Variants in SDK2 observed in about 807,000 individuals in gnomAD.
SDK2 encodes the protein protein sidekick-2.
In SDK2, 105 loss-of-function variants were observed where a neutral mutation model predicts 253.9. The ratio of observed to expected loss-of-function variants is 0.41; its 90% CI spans 0.35 to 0.49. The LOEUF is 0.49. SDK2 is among the 20% of genes least tolerant of loss of function. The pLI, the probability that SDK2 is intolerant of heterozygous loss-of-function variation, is 0.06. For synonymous variants in SDK2, 1,249 were observed against 1,234.9 expected, an observed-to-expected ratio of 1.01 and a Z score of -0.24; for missense variants, 2,608 against 3,003.0, an observed-to-expected ratio of 0.87 and a Z score of 3.07.
chr17:73,601,529 A>C (rs1483194867), intron 1 of SDK2, among the ~76,000 whole-genome samples: 1 of 152,122 alleles, frequency 6.6e-6, no homozygotes, highest in East Asian at 1.9e-4. Context: ...ACGCACAGAG[A>C]AAAGACGGGA....
chr17:73,502,006 T>C (rs1166374707), intron 2 of SDK2, among the ~76,000 whole-genome samples: 1 of 152,046 alleles, frequency 6.6e-6, no homozygotes, highest in Non-Finnish European at 1.5e-5. Context: ...ACCCCAATGA[T>C]GGATGTGGAC....
intron 2 of SDK2, among the ~76,000 whole-genome samples, chr17:73,479,968 C>T (rs1367024243): frequency 6.6e-6 from 1 of 152,280 alleles, no homozygotes; most frequent in Non-Finnish European, 1.5e-5. Flanking sequence ...GCTGGGATTA[C>T]AGGCGTGAGC....
chr17:73,367,057 G>A (rs1336691008), intron 37 of SDK2, among the ~76,000 whole-genome samples: 1 of 152,114 alleles, frequency 6.6e-6, no homozygotes, highest in Non-Finnish European at 1.5e-5. Flanking sequence ...AGGCTGGAGT[G>A]CAGTGGTACA....
chr17:73,487,981 G>A (rs945589034), intron 2 of SDK2, among the ~76,000 whole-genome samples: 2 of 152,006 alleles, frequency 1.3e-5, no homozygotes, highest in East Asian at 1.9e-4. Context: ...GTTATACCTC[G>A]GACACTCCAT....
At position 73,443,041 on chromosome 17, in the gene SDK2, A is replaced by G. The variant is rs1166932735; in HGVS notation, c.614-2118T>C. Among the ~76,000 whole-genome samples the G allele has an allele frequency of 6.6e-6, 1 of 152,052 alleles. No homozygotes were observed. The highest frequency in any genetic ancestry group is 6.6e-5 in the Admixed American group (1 of 15,264). On this transcript the variant is annotated intron_variant, in intron 5 of 44. Coordinates refer to ENST00000392650, the MANE Select transcript of SDK2 (RefSeq NM_001144952.2). This position sits in a 1 kb window ranked among gnomAD's most constrained non-coding sequence, Gnocchi z 4.6. Reference sequence around the variant, plus strand: ...TCTGAGGACTTTTTCTCCACAACAAATCTATCCAGTTGGCCCCTTTCCAGA... The same window carrying G: ...TCTGAGGACTTTTTCTCCACAACAAGTCTATCCAGTTGGCCCCTTTCCAGA...
At chr17:73,567,126 T>G (rs928859198) in intron 1 of SDK2, among the ~76,000 whole-genome samples, 1 of 152,120 alleles carries the variant, frequency 6.6e-6, no homozygotes, top group African/African-American at 2.4e-5. Flanking sequence ...AAAAAATGGT[T>G]TTAGGGGCCA....
chr17:73,379,697 T>G lies in SDK2; in HGVS notation c.4763-148A>C. Reference sequence around the variant, plus strand: ...CTGTGAAGGTGCATGAAGGAGGAGGTGAGAGGCGGGGCCCCCAGGGGACGC... The same window carrying G: ...CTGTGAAGGTGCATGAAGGAGGAGGGGAGAGGCGGGGCCCCCAGGGGACGC... On this transcript the variant is annotated intron_variant, in intron 34 of 44. Coordinates refer to ENST00000392650, the MANE Select transcript of SDK2 (RefSeq NM_001144952.2). This position sits in a 1 kb window ranked among gnomAD's most constrained non-coding sequence, Gnocchi z 4.5. 1.7e-6 allele frequency: 1 copy of G among 604,294 alleles called. No homozygotes were observed. Among genetic ancestry groups the G allele is most frequent in the Non-Finnish European group, 2.9e-6 (1 of 341,200 alleles). 37.4% of individuals were successfully genotyped at this position (604,294 alleles called of 1,614,324 possible).
chr17:73,531,631 A>G (rs2064169836), intron 1 of SDK2, among the ~76,000 whole-genome samples: 1 of 152,198 alleles, frequency 6.6e-6, no homozygotes, highest in Admixed American at 6.5e-5. Context: ...GCCGCCAGTC[A>G]TTAGCCCAAT....
intron 23 of SDK2, 54 bp downstream of exon 23, chr17:73,398,266 C>T: frequency 1.2e-6 from 2 of 1,603,688 alleles, no homozygotes; most frequent in Non-Finnish European, 8.5e-7. Context: ...GCCATAGCCC[C>T]CACCCACCCC....
chr17:73,405,507 T>TG lies in SDK2; in HGVS notation c.2485-3367_2485-3366insC, dbSNP rs1375119374. Among the ~76,000 whole-genome samples the TG allele has an allele frequency of 3.7e-4, 19 of 51,152 alleles. 2 individuals carry two copies. Among genetic ancestry groups the TG allele is most frequent in the African/African-American group, 1.3e-3 (16 of 12,576 alleles). The allele number at this position is 51,152 out of a possible 152,430, so 33.6% of individuals were successfully genotyped here. On this transcript the variant is annotated intron_variant, in intron 18 of 44. Transcript: ENST00000392650. ...ATATATATATATATATATATATATA[T>TG]ATATATATATAAAGATCGAGAATGT...
intron 2 of SDK2, among the ~76,000 whole-genome samples, chr17:73,487,569 G>A (rs2063777430): frequency 1.3e-5 from 2 of 152,220 alleles, no homozygotes; most frequent in African/African-American, 2.4e-5. Flanking sequence ...CCACAGGAGC[G>A]TCACCTGGGA....
intron 3 of SDK2, among the ~76,000 whole-genome samples, chr17:73,469,988 G>GCGCA (rs1555585138): frequency 1.8e-5 from 2 of 112,366 alleles, no homozygotes; most frequent in East Asian, 5.5e-4. Context: ...GACTGCGCGC[G>GCGCA]CGCGCACACA....
At chr17:73,376,710 C>T (rs951765477) in intron 36 of SDK2, among the ~76,000 whole-genome samples, 2 of 152,140 alleles carry the variant, frequency 1.3e-5, no homozygotes, top group African/African-American at 4.8e-5. Context: ...TGGTGGCTGC[C>T]ACACTGCTGC....
chr17:73,361,893 GC>G lies in SDK2; in HGVS notation c.5306-49del, dbSNP rs757823261. 2 of 1,518,236 alleles carry G rather than the reference GC, an allele frequency of 1.3e-6. No homozygotes were observed. The highest frequency in any genetic ancestry group is 2.4e-5 in the South Asian group (2 of 82,762). 94.0% of individuals were successfully genotyped at this position (1,518,236 alleles called of 1,614,324 possible). ...GGACTGGGCACAGGGCCCACCGAGGGCACTGGAGGCCATGGGGAAGGGGAAG... is the reference window on the plus strand; with the variant it reads ...GGACTGGGCACAGGGCCCACCGAGGGACTGGAGGCCATGGGGAAGGGGAAG... On this transcript the variant is annotated intron_variant, in intron 38 of 44. Transcript: ENST00000392650. This position sits in a 1 kb window ranked among gnomAD's most constrained non-coding sequence, Gnocchi z 4.1.
chr17:73,528,358 A>T (rs1256627545), intron 1 of SDK2, among the ~76,000 whole-genome samples: 1 of 152,198 alleles, frequency 6.6e-6, no homozygotes, highest in Non-Finnish European at 1.5e-5. Context: ...TGAAAGAAGT[A>T]ACACGTATGA....
At chr17:73,506,780 G>C (rs1236500051) in intron 2 of SDK2, among the ~76,000 whole-genome samples, 1 of 152,254 alleles carries the variant, frequency 6.6e-6, no homozygotes, top group Non-Finnish European at 1.5e-5. Context: ...AGGGTGGCCT[G>C]GGTGAGGGGC....
At position 73,368,420 on chromosome 17, in the gene SDK2, C is replaced by T. The variant is rs1254896317; in HGVS notation, c.5154G>A (p.Gln1718=). Residue 1718 remains glutamine, a synonymous_variant, in exon 37 of 45, where the codon CAG becomes CAA. Transcript: ENST00000392650. ...CCCCTCTCCCACCTGCTTGCTGGGT[C>T]TGGCCTTGGGTGGGGGTGCTCCGAG... ...DGPRSTPTQG[Q]TQQAAPSAPS... 1 of 1,565,332 alleles carries T rather than the reference C, an allele frequency of 6.4e-7. No homozygotes were observed. The highest frequency in any genetic ancestry group is 1.8e-5 in the Admixed American group (1 of 54,756).
intron 1 of SDK2, among the ~76,000 whole-genome samples, chr17:73,577,625 G>T (rs1309915978): frequency 6.6e-6 from 1 of 152,188 alleles, no homozygotes; most frequent in Non-Finnish European, 1.5e-5. Flanking sequence ...AGAGAGGCAG[G>T]TGCTGTGGGG....
intron 10 of SDK2, among the ~76,000 whole-genome samples, chr17:73,433,255 T>C (rs2145613648): frequency 6.6e-6 from 1 of 151,830 alleles, no homozygotes; most frequent in African/African-American, 2.4e-5. Context: ...AGCTGGACCT[T>C]GAGCCTGGCA....
Sources: gnomAD v4.1 joint callset for allele counts (sites outside exome capture counted in the v4.1 genomes callset) on GRCh38, gnomAD v4.1.1 for gene constraint, Gnocchi (gnomAD v3.1) non-coding constraint, MANE v1.5 for transcripts, NCBI Gene and HGNC (gene_info 2026-07-23, HGNC 2026-07-21) for gene names.